The following VTI1A variants were observed in gnomAD, a reference collection of about 807,000 sequenced individuals.
VTI1A encodes vesicle transport through interaction with t-SNAREs homolog 1A.
A neutral mutation model predicts 34.9 loss-of-function variants in VTI1A; 22 were observed. The observed-to-expected ratio is 0.63, with a 90% CI of 0.45 to 0.90. The LOEUF (loss-of-function observed/expected upper bound fraction) is 0.90, where lower values mean the gene tolerates loss of function less well. Among genes scored for constraint, VTI1A ranks in the 40% least tolerant of loss-of-function variants. The pLI, the probability that VTI1A is intolerant of heterozygous loss-of-function variation, is 0.00. For missense variants in VTI1A, 268 were observed against 275.6 expected, an observed-to-expected ratio of 0.97 and a Z score of 0.20; for synonymous variants, 87 against 97.3, an observed-to-expected ratio of 0.89 and a Z score of 0.62.
chr10:112,616,173 A>G (rs1164476297), intron 5 of VTI1A, among the ~76,000 whole-genome samples: 1 of 152,210 alleles, frequency 6.6e-6, no homozygotes, highest in African/African-American at 2.4e-5. Flanking sequence ...TTGAAATGAG[A>G]ATAGAGAGCA....
intron 3 of VTI1A, among the ~76,000 whole-genome samples, chr10:112,473,773 G>A (rs1364117101): frequency 6.6e-6 from 1 of 151,968 alleles, no homozygotes; most frequent in African/African-American, 2.4e-5. Flanking sequence ...AAAAATCTTA[G>A]GTAGACCAGG....
intron 3 of VTI1A, among the ~76,000 whole-genome samples, chr10:112,520,633 G>A (rs1849983533): frequency 8.3e-6 from 1 of 119,806 alleles, no homozygotes; most frequent in South Asian, 3.7e-4. Flanking sequence ...GTGTGTGTGT[G>A]TGTGTGTGTG....
At chr10:112,522,397 T>TA (rs1443187087) in intron 3 of VTI1A, among the ~76,000 whole-genome samples, 10 of 152,104 alleles carry the variant, frequency 6.6e-5, no homozygotes, top group Admixed American at 2.0e-4. Context: ...TTTCATTACT[T>TA]ACCAAAACCA....
At chr10:112,618,440 G>A (rs2134550121) in intron 5 of VTI1A, among the ~76,000 whole-genome samples, 1 of 143,650 alleles carries the variant, frequency 7.0e-6, no homozygotes, top group Middle Eastern at 3.6e-3. Context: ...AGCATTCCAA[G>A]ATCTTAGAGC....
At chr10:112,746,107 C>T (rs1407810466) in intron 7 of VTI1A, among the ~76,000 whole-genome samples, 1 of 152,168 alleles carries the variant, frequency 6.6e-6, no homozygotes, top group Non-Finnish European at 1.5e-5. Flanking sequence ...TGTTCTTGAT[C>T]ATATTTGGGC....
At chr10:112,744,488 T>C (rs1326558770) in intron 7 of VTI1A, among the ~76,000 whole-genome samples, 1 of 135,266 alleles carries the variant, frequency 7.4e-6, no homozygotes, top group Non-Finnish European at 1.5e-5. Flanking sequence ...TGAGACAGAG[T>C]CTGTCGCCCA....
At chr10:112,825,739 T>C in the VTI1A span, 1 of 152,234 alleles carries the variant, frequency 6.6e-6, no homozygotes, top group Non-Finnish European at 1.5e-5. Context: ...GTCATCTCCA[T>C]GCCTGAGAGG....
chr10:112,717,116 A>G (rs532881439), intron 7 of VTI1A, among the ~76,000 whole-genome samples: 13 of 152,312 alleles, frequency 8.5e-5, no homozygotes, highest in Non-Finnish European at 1.3e-4. Context: ...CCGAAGGGAC[A>G]TTGGCTCAGT....
At chr10:112,812,872 C>T (rs147308884) in intron 7 of VTI1A, among the ~76,000 whole-genome samples, 154 of 152,226 alleles carry the variant, frequency 1.0e-3, no homozygotes, top group African/African-American at 3.3e-3. Flanking sequence ...TCATCTTTGA[C>T]GGGGCTTGCT....
the VTI1A span, among the ~76,000 whole-genome samples, chr10:112,850,842 A>C: frequency 6.6e-6 from 1 of 152,176 alleles, no homozygotes. Context: ...TGCAGGTGGC[A>C]TGTCCATGAA....
At position 112,714,638 on chromosome 10, in the gene VTI1A, T is replaced by G. The variant is rs536603420; in HGVS notation, c.560+45640T>G. Among the ~76,000 whole-genome samples the G allele has an allele frequency of 3.3e-5, 5 of 152,326 alleles. No individual in the cohort carries two copies. In the South Asian group the frequency reaches 1.0e-3, roughly 32 times the overall value. On this transcript the variant is annotated intron_variant, in intron 7 of 7. Transcript: ENST00000393077. The stretch of plus-strand genomic sequence containing the variant: ...CTGTGATTTTACTGATATGGTTGTT[T>G]GGGATGAGCTGACTTTTTTCTTTAA...
intron 7 of VTI1A, among the ~76,000 whole-genome samples, chr10:112,782,205 C>T (rs1293676266): frequency 6.6e-6 from 1 of 152,224 alleles, no homozygotes; most frequent in Non-Finnish European, 1.5e-5. Context: ...TCCCACAGAC[C>T]TCATCAGAGC....
chr10:112,686,212 A>G (rs947302594), intron 7 of VTI1A, among the ~76,000 whole-genome samples: 1 of 152,202 alleles, frequency 6.6e-6, no homozygotes, highest in Admixed American at 6.5e-5. Flanking sequence ...GTAGAAGACT[A>G]TGTGGCAGGT....
intron 7 of VTI1A, among the ~76,000 whole-genome samples, chr10:112,713,404 G>T (rs1183199003): frequency 6.6e-5 from 10 of 152,116 alleles, no homozygotes; most frequent in Non-Finnish European, 1.2e-4. Flanking sequence ...AATGCTAACT[G>T]CTATATAAGC....
chr10:112,760,371 T>TATGG (rs1851422650), intron 7 of VTI1A, among the ~76,000 whole-genome samples: 1 of 146,342 alleles, frequency 6.8e-6, no homozygotes, highest in Admixed American at 7.0e-5. Flanking sequence ...ATTCGGTGAA[T>TATGG]ATGGTCTCTC....
intron 5 of VTI1A, among the ~76,000 whole-genome samples, chr10:112,569,654 T>C (rs115186428): frequency 1.5e-4 from 23 of 152,244 alleles, no homozygotes; most frequent in African/African-American, 5.3e-4. Context: ...TGGGAAAACT[T>C]TGGAAGGTGG....
At chr10:112,845,275 C>T in the VTI1A span, among the ~76,000 whole-genome samples, 1 of 152,162 alleles carries the variant, frequency 6.6e-6, no homozygotes, top group Non-Finnish European at 1.5e-5. Flanking sequence ...GGCAGGACGG[C>T]CAGGCAGACA....
At chr10:112,516,720 C>T (rs1349425981) in intron 3 of VTI1A, among the ~76,000 whole-genome samples, 1 of 151,868 alleles carries the variant, frequency 6.6e-6, no homozygotes, top group Non-Finnish European at 1.5e-5. Flanking sequence ...GCCAAGGGCC[C>T]CAGTTGTAGA....
In VTI1A at chr10:112,469,463, A is replaced by G. The variant is rs1848007522; in HGVS notation, c.264+4806A>G. On this transcript the variant is annotated intron_variant, in intron 3 of 7. Transcript: ENST00000393077. ...TAATTTTTGCCTCTGTGGACATGATATTGCTCCTGTTGACAATGCATGCTT... is the reference window on the plus strand; with the variant it reads ...TAATTTTTGCCTCTGTGGACATGATGTTGCTCCTGTTGACAATGCATGCTT... 2.6e-5 allele frequency among the ~76,000 whole-genome samples: 4 copies of G among 152,174 alleles called. No homozygotes were observed. The South Asian group carries it at 8.3e-4, about 32-fold the overall frequency.
Sources: gnomAD v4.1 joint callset for allele counts (sites outside exome capture counted in the v4.1 genomes callset) on GRCh38, gnomAD v4.1.1 for gene constraint, MANE v1.5 for transcripts, NCBI Gene and HGNC (gene_info 2026-07-23, HGNC 2026-07-21) for gene names.